Variants in ADAM2 observed in about 807,000 individuals in gnomAD.
ADAM2 encodes the protein disintegrin and metalloproteinase domain-containing protein 2.
In ADAM2, 101 loss-of-function variants were observed where a neutral mutation model predicts 99.3. The ratio of observed to expected loss-of-function variants is 1.02; its 90% CI spans 0.87 to 1.20. The LOEUF is 1.20. Among genes scored for constraint, ADAM2 ranks in the 50% most tolerant of loss-of-function variants. ADAM2 has a pLI of 0.00. For synonymous variants in ADAM2, 323 were observed against 287.6 expected (o/e 1.12, Z -1.25); for missense variants, 948 against 878.7 (o/e 1.08, Z -1.00).
intron 7 of ADAM2, among the ~76,000 whole-genome samples, chr8:39,806,661 A>T (rs1804454882): frequency 6.6e-6 from 1 of 152,082 alleles, no homozygotes; most frequent in African/African-American, 2.4e-5. Flanking sequence ...ATTGAGTGGC[A>T]TTGTGCCTCC....
intron 7 of ADAM2, among the ~76,000 whole-genome samples, chr8:39,789,771 A>T (rs1803625299): frequency 6.6e-6 from 1 of 151,838 alleles, no homozygotes; most frequent in African/African-American, 2.4e-5. Flanking sequence ...CAGAAATGGT[A>T]AAAATATTTG....
At chr8:39,788,392 A>C (rs993024897) in intron 8 of ADAM2, 141 bp from the exon 9 acceptor site, 2 of 574,596 alleles carry the variant, frequency 3.5e-6, no homozygotes, top group Non-Finnish European at 5.6e-6. Context: ...TAGATTAGTA[A>C]GTTTAAAATG....
chr8:39,779,365 TCC>T (rs1395531293), intron 10 of ADAM2, among the ~76,000 whole-genome samples: 6 of 152,060 alleles, frequency 3.9e-5, no homozygotes, highest in African/African-American at 1.4e-4. Flanking sequence ...TGGACAGCAG[TCC>T]TATTGAATTA....
At chr8:39,822,625 A>G (rs555029893) in intron 4 of ADAM2, among the ~76,000 whole-genome samples, 5 of 152,312 alleles carry the variant, frequency 3.3e-5, no homozygotes, top group East Asian at 1.9e-4. Context: ...AGAAGTTTAC[A>G]AAGTTTCTTT....
Position 39,748,335 on chromosome 8 carries a change from A to C in ADAM2, c.2014+977T>G, listed in dbSNP as rs1033193573. ...TCTCCACTGCTCATTGGGAAATGGC[A>C]TGTGTGTGCATGAATAGAAACAATT... On this transcript the variant is annotated intron_variant, in intron 18 of 20. Coordinates refer to ENST00000265708, the MANE Select transcript of ADAM2 (RefSeq NM_001464.5). Among the ~76,000 whole-genome samples the C allele has an allele frequency of 2.0e-5, 3 of 152,296 alleles. No individual in the cohort carries two copies. The East Asian group carries it at 5.8e-4, about 29-fold the overall frequency.
Position 39,761,214 on chromosome 8 carries a change from A to G in ADAM2, c.1575T>C (p.Cys525=), listed in dbSNP as rs750877209. The G allele has an allele frequency of 6.2e-7, 1 of 1,604,600 alleles. No individual in the cohort carries two copies. The highest frequency in any genetic ancestry group is 1.7e-5 in the Admixed American group (1 of 59,308). The change falls in exon 15 of 21, where the codon TGT becomes TGC. Residue 525 remains cysteine, a synonymous_variant. Coordinates refer to ENST00000265708, the MANE Select transcript of ADAM2 (RefSeq NM_001464.5). The part of the protein sequence containing the change: ...LNSKTDVSGN[C]GISDSGYTQC... ...GTGTGTATCCTGAATCACTTATACC[A>G]CAGTTTCCAGATACATCAGTCTTTG...
intron 10 of ADAM2, among the ~76,000 whole-genome samples, chr8:39,786,584 G>A (rs966945535): frequency 4.0e-5 from 6 of 151,856 alleles, no homozygotes; most frequent in Non-Finnish European, 5.9e-5. Context: ...ATTTTAAGGC[G>A]ACTGATACTT....
chr8:39,768,161 T>C (rs3853758), intron 12 of ADAM2, among the ~76,000 whole-genome samples: 71,331 of 151,870 alleles, frequency 0.47, 17,093 homozygotes, highest in South Asian at 0.67. Flanking sequence ...GCCTCAATTA[T>C]ATAACATTTC....
chr8:39,785,418 G>T (rs942250593), intron 10 of ADAM2, among the ~76,000 whole-genome samples: 3 of 152,146 alleles, frequency 2.0e-5, no homozygotes, highest in Non-Finnish European at 2.9e-5. Flanking sequence ...ACTGTTAGGG[G>T]GACTAGAATT....
chr8:39,773,326 T>C (rs775810436), intron 11 of ADAM2, among the ~76,000 whole-genome samples: 21 of 151,744 alleles, frequency 1.4e-4, no homozygotes, highest in Non-Finnish European at 2.7e-4. Context: ...TGCACAGCTT[T>C]AAAGGGTTTA....
chr8:39,834,732 C>CAAAAAAAAAAAAAAAA (rs79431764), intron 2 of ADAM2, among the ~76,000 whole-genome samples: 1 of 52,962 alleles, frequency 1.9e-5, no homozygotes. Context: ...AAGACTCCAT[C>CAAAAAAAAAAAAAAAA]AAAAAAAAAA....
chr8:39,780,658 T>G (rs952689518), intron 10 of ADAM2, among the ~76,000 whole-genome samples: 3 of 152,202 alleles, frequency 2.0e-5, no homozygotes, highest in African/African-American at 7.2e-5. Context: ...TCAGTAGATT[T>G]TTAGAATATA....
In ADAM2 at chr8:39,838,220, C is replaced by A. The variant is rs1412612551; in HGVS notation, c.-35G>T. 6.2e-7 allele frequency: 1 copy of A among 1,613,228 alleles called. No individual in the cohort carries two copies. Among genetic ancestry groups the A allele is most frequent in the Non-Finnish European group, 8.5e-7 (1 of 1,179,324 alleles). ...TCCTGGGTCCCAGCCGGAATAATGG[C>A]AGTTGGTGGTTACAGGGCAGTTGGA... On this transcript the variant is annotated 5_prime_UTR_variant, in exon 1 of 21. Transcript: ENST00000265708.
Position 39,833,926 on chromosome 8 carries a change from A to G in ADAM2, c.188+18T>C. 3 of 1,317,246 alleles carry G rather than the reference A, an allele frequency of 2.3e-6. No individual in the cohort carries two copies. Among genetic ancestry groups the G allele is most frequent in the Non-Finnish European group, 3.3e-6 (3 of 917,662 alleles). 81.6% of individuals were successfully genotyped at this position (1,317,246 alleles called of 1,614,324 possible). A position where few individuals can be genotyped will look rare whatever the true frequency, so the allele number is the denominator to read the frequency against. The stretch of plus-strand genomic sequence containing the variant: ...AAGTAGAACAAAGAGAATTGATAAA[A>G]TAATGATGATTACCTACTTTTGCAT... On this transcript the variant is annotated intron_variant, in intron 3 of 20. Transcript: ENST00000265708.
chr8:39,788,580 A>G, intron 8 of ADAM2, 89 bp downstream of exon 8: 1 of 852,896 alleles, frequency 1.2e-6, no homozygotes, highest in Non-Finnish European at 1.8e-6. Flanking sequence ...ATGCCACACA[A>G]CGTGTGGATT....
chr8:39,754,040 C>T (rs1196464261), intron 16 of ADAM2, among the ~76,000 whole-genome samples: 1 of 152,142 alleles, frequency 6.6e-6, no homozygotes, highest in Non-Finnish European at 1.5e-5. Flanking sequence ...ATGCATCTTT[C>T]CTAAGCCTGT....
intron 3 of ADAM2, among the ~76,000 whole-genome samples, chr8:39,833,109 T>G: frequency 6.6e-6 from 1 of 152,198 alleles, no homozygotes. Context: ...CTTGACATTC[T>G]AAAGTAACAA....
chr8:39,791,265 G>C (rs1803699741), intron 7 of ADAM2, among the ~76,000 whole-genome samples: 1 of 152,008 alleles, frequency 6.6e-6, no homozygotes, highest in Non-Finnish European at 1.5e-5. Flanking sequence ...AGTTAGCATA[G>C]TAAGAATGTC....
chr8:39,796,191 C>T (rs746521950), intron 7 of ADAM2, among the ~76,000 whole-genome samples: 4 of 151,908 alleles, frequency 2.6e-5, no homozygotes, highest in Non-Finnish European at 5.9e-5. Flanking sequence ...TCCCTCCCCT[C>T]AGCCCCCACC....
Sources: allele counts gnomAD v4.1 joint callset (sites outside exome capture counted in the v4.1 genomes callset), GRCh38; gene constraint gnomAD v4.1.1; transcripts MANE v1.5; gene names NCBI Gene and HGNC (gene_info 2026-07-23, HGNC 2026-07-21).